RBFOX1: variants seen among roughly 807,000 people sequenced by gnomAD.
RBFOX1 encodes the protein RNA binding protein fox-1 homolog 1.
A neutral mutation model predicts 57.7 loss-of-function variants in RBFOX1; 8 were observed. The ratio of observed to expected loss-of-function variants is 0.14; its 90% confidence interval spans 0.08 to 0.25. The LOEUF (loss-of-function observed/expected upper bound fraction) is 0.25, where lower values mean the gene tolerates loss of function less well. RBFOX1 is among the 10% of genes least tolerant of loss of function. RBFOX1 has a pLI of 1.00. For missense variants in RBFOX1, 611 were observed against 548.5 expected, an observed-to-expected ratio of 1.11 and a Z score of -1.14; for synonymous variants, 326 against 222.4, an observed-to-expected ratio of 1.47 and a Z score of -4.15.
chr16:7,603,111 A>T (rs1189364913), intron 9 of RBFOX1, among the ~76,000 whole-genome samples: 1 of 152,220 alleles, frequency 6.6e-6, no homozygotes, highest in African/African-American at 2.4e-5. Context: ...ATAAACGCCT[A>T]CATCAAAAAA....
chr16:6,915,066 C>G (rs997871114), intron 3 of RBFOX1, among the ~76,000 whole-genome samples: 2 of 152,222 alleles, frequency 1.3e-5, no homozygotes, highest in African/African-American at 4.8e-5. Flanking sequence ...GAACATTCCT[C>G]AGTTGACTAA....
intron 1 of RBFOX1, among the ~76,000 whole-genome samples, chr16:5,350,320 G>C (rs78403578): frequency 0.034 from 5,215 of 152,252 alleles, 134 homozygotes; most frequent in South Asian, 0.08. Flanking sequence ...CTGCCTGGTG[G>C]TCAGAAAGTG....
chr16:6,099,108 G>A (rs1399700940), intron 1 of RBFOX1, among the ~76,000 whole-genome samples: 1 of 152,186 alleles, frequency 6.6e-6, no homozygotes, highest in African/African-American at 2.4e-5. Context: ...ACACATTTTA[G>A]AATTTGAAAA....
Position 7,667,677 on chromosome 16 carries a change from C to CTTT in RBFOX1, c.930+2712_930+2714dup, listed in dbSNP as rs75449289. On this transcript the variant is annotated intron_variant, in intron 13 of 15. Transcript: ENST00000550418. ...AGATACCTCGAATAGATTTAAACCT[C>CTTT]TTTTTGTTATTATTATATTTTTTGA... is the stretch of plus-strand genomic sequence containing the variant. Among the ~76,000 whole-genome samples, 20 of 151,808 alleles carry CTTT rather than the reference C, an allele frequency of 1.3e-4. No homozygotes were observed. The East Asian group carries it at 1.8e-3, about 13-fold the overall frequency.
At chr16:5,880,031 G>T (rs2057724347) in intron 4 of RBFOX1, among the ~76,000 whole-genome samples, 1 of 152,180 alleles carries the variant, frequency 6.6e-6, no homozygotes, top group African/African-American at 2.4e-5. Context: ...TGCCTGCCAT[G>T]GTGTGCCAGT....
intron 3 of RBFOX1, among the ~76,000 whole-genome samples, chr16:6,717,455 T>G (rs1206301065): frequency 6.6e-6 from 1 of 152,176 alleles, no homozygotes; most frequent in African/African-American, 2.4e-5. Flanking sequence ...ATGACACGTT[T>G]TGGCACTTGT....
intron 4 of RBFOX1, among the ~76,000 whole-genome samples, chr16:7,308,411 T>G (rs543062668): frequency 3.3e-5 from 5 of 151,732 alleles, no homozygotes; most frequent in Non-Finnish European, 7.4e-5. Context: ...TAAGAAAGCT[T>G]CTTATCTGTC....
chr16:5,322,772 A>G (rs1322386216), intron 1 of RBFOX1, among the ~76,000 whole-genome samples: 1 of 152,216 alleles, frequency 6.6e-6, no homozygotes, highest in Admixed American at 6.5e-5. Flanking sequence ...TGTGAAAAAT[A>G]GAAGGTTTCA....
At chr16:6,727,062 C>CACACACACACACACAA (rs2067369732) in intron 3 of RBFOX1, among the ~76,000 whole-genome samples, 1 of 136,174 alleles carries the variant, frequency 7.3e-6, no homozygotes, top group Admixed American at 7.7e-5. Flanking sequence ...CACACACACA[C>CACACACACACACACAA]ACAGACACAG....
chr16:5,687,715 T>G (rs2050547990), intron 3 of RBFOX1, among the ~76,000 whole-genome samples: 1 of 152,172 alleles, frequency 6.6e-6, no homozygotes, highest in African/African-American at 2.4e-5. Flanking sequence ...ATCCCACACC[T>G]GGGAACCCCT....
At chr16:7,012,784 C>T (rs185190921) in intron 3 of RBFOX1, among the ~76,000 whole-genome samples, 2,396 of 152,238 alleles carry the variant, frequency 0.016, 69 homozygotes, top group African/African-American at 0.054. Flanking sequence ...AGTTTTGACC[C>T]ATTTTAACAA....
At chr16:7,287,163 A>G (rs2095666547) in intron 4 of RBFOX1, among the ~76,000 whole-genome samples, 3 of 152,206 alleles carry the variant, frequency 2.0e-5, no homozygotes, top group African/African-American at 7.2e-5. Context: ...AGAGAAGATT[A>G]GTGATTCTCA....
chr16:5,947,158 G>C lies in RBFOX1; in HGVS notation c.351+79823G>C, dbSNP rs554258374. ...GTGAACTCAGGAGGTTGAGGTTGCA[G>C]CGAGCCGTGATTCTGCCACTGCTCT... is the stretch of plus-strand genomic sequence containing the variant. On this transcript the variant is annotated intron_variant, in intron 4 of 19. Coordinates refer to the RBFOX1 transcript ENST00000641259. This position sits in a 1 kb window ranked among gnomAD's most constrained non-coding sequence, Gnocchi z 7.2. 6.6e-6 allele frequency among the ~76,000 whole-genome samples: 1 copy of C among 152,152 alleles called. No individual in the cohort carries two copies.
chr16:5,640,423 A>G (rs1251532587), intron 3 of RBFOX1, among the ~76,000 whole-genome samples: 1 of 152,082 alleles, frequency 6.6e-6, no homozygotes, highest in Admixed American at 6.5e-5. Flanking sequence ...CACCATGCAC[A>G]CATACACATG....
At chr16:6,220,790 G>T (rs1187434126) in intron 1 of RBFOX1, among the ~76,000 whole-genome samples, 1 of 151,572 alleles carries the variant, frequency 6.6e-6, no homozygotes, top group Non-Finnish European at 1.5e-5. Context: ...CATTAAATTT[G>T]TGGTGCCTTT....
At chr16:5,611,720 A>ATCCATCCATCCATCCATCCG (rs2047803767) in intron 3 of RBFOX1, among the ~76,000 whole-genome samples, 1 of 61,202 alleles carries the variant, frequency 1.6e-5, no homozygotes, top group East Asian at 1.1e-3. Context: ...CCATCCATCT[A>ATCCATCCATCCATCCATCCG]TCCATCCATC....
chr16:7,080,535 C>T (rs2059028406), intron 4 of RBFOX1, among the ~76,000 whole-genome samples: 1 of 152,178 alleles, frequency 6.6e-6, no homozygotes, highest in Non-Finnish European at 1.5e-5. Flanking sequence ...AGATCACCAT[C>T]CCTGTAGTCA....
chr16:5,681,133 G>A (rs1445485322), intron 3 of RBFOX1, among the ~76,000 whole-genome samples: 1 of 151,940 alleles, frequency 6.6e-6, no homozygotes, highest in East Asian at 1.9e-4. Context: ...GAGTGCAGTG[G>A]TGCGATCTCG....
chr16:5,805,123 T>C (rs567106262), intron 3 of RBFOX1, among the ~76,000 whole-genome samples: 1 of 152,196 alleles, frequency 6.6e-6, no homozygotes, highest in East Asian at 1.9e-4. Flanking sequence ...GGGGGCAGTT[T>C]GGTCACAGGT....
Sources: gnomAD v4.1 joint callset for allele counts (sites outside exome capture counted in the v4.1 genomes callset) on GRCh38, gnomAD v4.1.1 for gene constraint, Gnocchi (gnomAD v3.1) non-coding constraint, MANE v1.5 for transcripts, NCBI Gene and HGNC (gene_info 2026-07-23, HGNC 2026-07-21) for gene names.